The following SLAIN2 variants were observed in gnomAD, a reference collection of about 807,000 sequenced individuals.
SLAIN2 encodes the protein SLAIN motif-containing protein 2.
SLAIN2 carries 31 observed loss-of-function variants against 56.6 expected under a neutral mutation model. That is an observed-to-expected ratio of 0.55 (90% CI 0.41 to 0.74). SLAIN2 has a LOEUF of 0.74. Among genes scored for constraint, SLAIN2 ranks in the 30% least tolerant of loss-of-function variants. The pLI, the probability that SLAIN2 is intolerant of heterozygous loss-of-function variation, is 0.00. For missense variants in SLAIN2, 777 were observed against 754.2 expected (o/e 1.03, Z -0.35); for synonymous variants, 317 against 284.9 (o/e 1.11, Z -1.13).
At chr4:48,348,689 CAAAA>C (rs34880531) in intron 1 of SLAIN2, among the ~76,000 whole-genome samples, 4 of 98,504 alleles carry the variant, frequency 4.1e-5, no homozygotes, top group Non-Finnish European at 6.2e-5. Flanking sequence ...GACTCTGTCT[CAAAA>C]AAAAAAAAAA....
At position 48,360,025 on chromosome 4, in the gene SLAIN2, G is replaced by A. The variant is rs1715275665; in HGVS notation, c.390-9824G>A. On this transcript the variant is annotated intron_variant, in intron 1 of 7. Transcript: ENST00000264313. ...AAAAATTAGCTGGGCATGGTAGTGC[G>A]CACCTATAATCCCAGCTACTCAGGA... Among the ~76,000 whole-genome samples, 5 of 151,954 alleles carry A rather than the reference G, an allele frequency of 3.3e-5. No individual in the cohort carries two copies. The South Asian group carries it at 8.3e-4, about 25-fold the overall frequency.
chr4:48,357,764 A>G (rs1056837305), intron 1 of SLAIN2, among the ~76,000 whole-genome samples: 2 of 152,130 alleles, frequency 1.3e-5, no homozygotes, highest in African/African-American at 4.8e-5. Context: ...CATGTTGGTC[A>G]GGCTGGTCTT....
At chr4:48,393,515 C>T (rs1716287332) in intron 6 of SLAIN2, among the ~76,000 whole-genome samples, 1 of 152,018 alleles carries the variant, frequency 6.6e-6, no homozygotes, top group South Asian at 2.1e-4. Context: ...CCTGTAAGTG[C>T]TGGGATTATA....
intron 6 of SLAIN2, chr4:48,394,743 TA>T (rs1384745266): frequency 9.8e-6 from 9 of 915,138 alleles, no homozygotes; most frequent in Non-Finnish European, 1.5e-5. Flanking sequence ...GTGGTGTCTG[TA>T]AGGCACATTT....
intron 6 of SLAIN2, among the ~76,000 whole-genome samples, chr4:48,395,810 C>CTTTTTTTTTTTTTT (rs10649464): frequency 6.9e-5 from 5 of 72,772 alleles, no homozygotes; most frequent in African/African-American, 2.7e-4. Flanking sequence ...GAACCTTAGG[C>CTTTTTTTTTTTTTT]TTTTTTTTTT....
chr4:48,372,720 A>G (rs1715700481), intron 2 of SLAIN2, among the ~76,000 whole-genome samples: 1 of 152,326 alleles, frequency 6.6e-6, no homozygotes, highest in East Asian at 1.9e-4. Flanking sequence ...TAAGTACTGC[A>G]TCTGTTTAAC....
At chr4:48,351,881 G>A (rs918906972) in intron 1 of SLAIN2, among the ~76,000 whole-genome samples, 2 of 152,156 alleles carry the variant, frequency 1.3e-5, no homozygotes, top group Admixed American at 6.5e-5. Flanking sequence ...AGTGAGAGCC[G>A]GGACTTTGGA....
At chr4:48,342,199 C>T (rs1714730248) in intron 1 of SLAIN2, 71 bp downstream of exon 1, 1 of 1,323,972 alleles carries the variant, frequency 7.6e-7, no homozygotes, top group Non-Finnish European at 9.6e-7. Flanking sequence ...TCTGAGGGTC[C>T]CTCTGGTCGG....
chr4:48,406,999 C>T (rs2109781267), intron 6 of SLAIN2, among the ~76,000 whole-genome samples: 1 of 152,110 alleles, frequency 6.6e-6, no homozygotes, highest in Middle Eastern at 3.4e-3. Flanking sequence ...CTGATTTTCC[C>T]AGATTCGGGG....
At chr4:48,391,335 G>A (rs1017013315) in intron 6 of SLAIN2, among the ~76,000 whole-genome samples, 14 of 152,160 alleles carry the variant, frequency 9.2e-5, no homozygotes, top group African/African-American at 3.1e-4. Context: ...GTAACTGGGA[G>A]CTTTCCTAAT....
At chr4:48,407,503 C>CT (rs540235694) in intron 6 of SLAIN2, among the ~76,000 whole-genome samples, 4 of 151,962 alleles carry the variant, frequency 2.6e-5, no homozygotes, top group South Asian at 2.1e-4. Flanking sequence ...TATTTAAATT[C>CT]TTTTTTTTCT....
At chr4:48,416,510 G>T in intron 6 of SLAIN2, among the ~76,000 whole-genome samples, 1 of 142,532 alleles carries the variant, frequency 7.0e-6, no homozygotes, top group Admixed American at 7.2e-5. Context: ...CTGCAAACAG[G>T]GACAATTTGA....
intron 1 of SLAIN2, among the ~76,000 whole-genome samples, chr4:48,349,027 G>GT (rs377328013): frequency 6.6e-6 from 1 of 152,078 alleles, no homozygotes; most frequent in African/African-American, 2.4e-5. Flanking sequence ...ATGTTCATCT[G>GT]TTTTTTTCTC....
chr4:48,350,458 T>C (rs1560449037), intron 1 of SLAIN2, among the ~76,000 whole-genome samples: 1 of 152,226 alleles, frequency 6.6e-6, no homozygotes, highest in African/African-American at 2.4e-5. Context: ...AATAGCAGAA[T>C]TAAGTAGTGT....
At chr4:48,417,939 G>A (rs571999556) in intron 6 of SLAIN2, among the ~76,000 whole-genome samples, 1 of 152,252 alleles carries the variant, frequency 6.6e-6, no homozygotes, top group South Asian at 2.1e-4. Context: ...GTCAGTGTTT[G>A]TATTTTTATC....
At chr4:48,404,855 CAT>C (rs1297830909) in intron 6 of SLAIN2, among the ~76,000 whole-genome samples, 2 of 152,310 alleles carry the variant, frequency 1.3e-5, no homozygotes, top group South Asian at 2.1e-4. Flanking sequence ...CCCTGGCCCA[CAT>C]GTTTATAAAT....
chr4:48,356,079 T>C (rs1715146644), intron 1 of SLAIN2, among the ~76,000 whole-genome samples: 1 of 152,174 alleles, frequency 6.6e-6, no homozygotes, highest in Non-Finnish European at 1.5e-5. Flanking sequence ...ACCTAAATCA[T>C]TAAGTTGACA....
At chr4:48,365,756 T>C (rs569252351) in intron 1 of SLAIN2, among the ~76,000 whole-genome samples, 3 of 151,986 alleles carry the variant, frequency 2.0e-5, no homozygotes, top group Non-Finnish European at 2.9e-5. Context: ...AGAGATGGGG[T>C]TTTGCCACGT....
At chr4:48,358,194 A>G (rs1485448447) in intron 1 of SLAIN2, among the ~76,000 whole-genome samples, 3 of 152,196 alleles carry the variant, frequency 2.0e-5, no homozygotes, top group Non-Finnish European at 4.4e-5. Context: ...ATAATAATAC[A>G]TATCTTATAA....
Sources: gnomAD v4.1 joint callset for allele counts (sites outside exome capture counted in the v4.1 genomes callset) on GRCh38, gnomAD v4.1.1 for gene constraint, MANE v1.5 for transcripts, NCBI Gene and HGNC (gene_info 2026-07-23, HGNC 2026-07-21) for gene names.